Variants in N4BP2L2 observed in about 807,000 individuals in gnomAD.
N4BP2L2 encodes the protein NEDD4 binding protein 2 like 2, also known as NEDD4-binding protein 2-like 2.
Under a neutral mutation model 56.2 loss-of-function variants are expected in N4BP2L2, and 50 were observed. The observed-to-expected ratio is 0.89, with a 90% CI of 0.71 to 1.13. The LOEUF (loss-of-function observed/expected upper bound fraction) is 1.13, where lower values mean the gene tolerates loss of function less well. Ranked by LOEUF, N4BP2L2 falls within the 50% of genes most tolerant of loss-of-function variation. The pLI, the probability that N4BP2L2 is intolerant of heterozygous loss-of-function variation, is 0.00. For missense variants in N4BP2L2, 689 were observed against 693.8 expected, an observed-to-expected ratio of 0.99 and a Z score of 0.08; for synonymous variants, 203 against 223.6, an observed-to-expected ratio of 0.91 and a Z score of 0.82.
At chr13:32,538,807 G>A (rs532392347), upstream of N4BP2L2, 4 of 985,420 alleles carry the variant, frequency 4.1e-6, no homozygotes, top group Non-Finnish European at 4.8e-6. Flanking sequence ...GTCACCTCTC[G>A]GTTACCCAGG....
chr13:32,510,270 G>A (rs963896901), downstream of N4BP2L2: 10 of 151,694 alleles, frequency 6.6e-5, no homozygotes, highest in Admixed American at 5.9e-4. Flanking sequence ...ATTAATTAGG[G>A]TTAAAAAAAT....
At chr13:32,494,741 G>A (rs1366043616) in intron 6 of N4BP2L2, among the ~76,000 whole-genome samples, 1 of 152,140 alleles carries the variant, frequency 6.6e-6, no homozygotes, top group Non-Finnish European at 1.5e-5. Flanking sequence ...ACTCCAGCCT[G>A]GGTGACAGAG....
chr13:32,492,272 A>ATTTT (rs1185615708), intron 6 of N4BP2L2, among the ~76,000 whole-genome samples: 50 of 77,088 alleles, frequency 6.5e-4, no homozygotes, highest in African/African-American at 2.6e-3. Flanking sequence ...AAAACACCAA[A>ATTTT]ATTTTTTTTT....
rs565952036 is a variant in N4BP2L2, at chr13:32,436,361, A to G, written c.*21T>C. On this transcript the variant is annotated splice_region_variant and 3_prime_UTR_variant, in exon 9 of 10. Transcript: ENST00000357505. ...GGTCTCTAGAATAAGTCATACTTAC[A>G]GTTCAAGGAATTTTCATTTTTCAAC... is the stretch of plus-strand genomic sequence containing the variant. 331 of 1,221,410 alleles carry G rather than the reference A, an allele frequency of 2.7e-4. 4 individuals are homozygous for G. In the South Asian group the frequency reaches 4.3e-3, roughly 16 times the overall value. 75.7% of individuals were successfully genotyped at this position (1,221,410 alleles called of 1,614,324 possible). A position where few individuals can be genotyped will look rare whatever the true frequency, so the allele number is the denominator to read the frequency against.
At chr13:32,532,590 CTTTTTT>C (rs759146834) in intron 2 of N4BP2L2, among the ~76,000 whole-genome samples, 3 of 128,396 alleles carry the variant, frequency 2.3e-5, no homozygotes, top group African/African-American at 8.7e-5. Flanking sequence ...TTTCTTTTTT[CTTTTTT>C]TTTTTTTTTT....
At chr13:32,509,892 A>C (rs528584285), downstream of N4BP2L2, among the ~76,000 whole-genome samples, 14 of 152,344 alleles carry the variant, frequency 9.2e-5, no homozygotes, top group East Asian at 2.5e-3. Context: ...TAAGGAATTA[A>C]GAGAAACCAA....
intron 6 of N4BP2L2, among the ~76,000 whole-genome samples, chr13:32,471,089 G>A (rs551080393): frequency 6.6e-6 from 1 of 152,204 alleles, no homozygotes; most frequent in Admixed American, 6.5e-5. Flanking sequence ...ACAGTAATCT[G>A]TACTAATAGC....
chr13:32,470,451 T>C (rs1440425712), intron 6 of N4BP2L2, among the ~76,000 whole-genome samples: 1 of 152,222 alleles, frequency 6.6e-6, no homozygotes, highest in East Asian at 1.9e-4. Flanking sequence ...CTATGGGTAG[T>C]TGACCAGGGG....
chr13:32,455,014 T>C (rs1406591819), intron 6 of N4BP2L2, among the ~76,000 whole-genome samples: 3 of 152,160 alleles, frequency 2.0e-5, no homozygotes, highest in Admixed American at 6.5e-5. Context: ...CTGAGACTAC[T>C]GCAGGGAGCT....
At chr13:32,482,448 GC>G (rs2084949736) in intron 6 of N4BP2L2, among the ~76,000 whole-genome samples, 1 of 152,066 alleles carries the variant, frequency 6.6e-6, no homozygotes, top group Non-Finnish European at 1.5e-5. Context: ...CTCAATCTCT[GC>G]CTCCTGGGTT....
intron 6 of N4BP2L2, chr13:32,446,624 C>A: frequency 1.1e-6 from 1 of 946,494 alleles, no homozygotes; most frequent in Non-Finnish European, 1.4e-6. Context: ...TGTATAGTCA[C>A]TGTCCCTCAG....
chr13:32,526,471 A>G (rs2052825710), intron 3 of N4BP2L2, among the ~76,000 whole-genome samples: 1 of 152,192 alleles, frequency 6.6e-6, no homozygotes. Flanking sequence ...TGATGTCTAG[A>G]ATTTGCTTTA....
intron 6 of N4BP2L2, among the ~76,000 whole-genome samples, chr13:32,503,529 T>C (rs943582636): frequency 6.6e-6 from 1 of 152,180 alleles, no homozygotes; most frequent in Non-Finnish European, 1.5e-5. Context: ...GCTTACTTTA[T>C]TTACTTTTAT....
chr13:32,517,741 G>A, exon 6 of N4BP2L2: 1 of 1,583,300 alleles, frequency 6.3e-7, no homozygotes, highest in Admixed American at 1.8e-5. Flanking sequence ...TAAACTCCAA[G>A]ACAGGCTCAC....
intron 6 of N4BP2L2, among the ~76,000 whole-genome samples, chr13:32,493,672 T>C (rs1404149808): frequency 6.6e-6 from 1 of 152,162 alleles, no homozygotes; most frequent in Non-Finnish European, 1.5e-5. Context: ...AAACAGTGTA[T>C]TTTCAATCAT....
intron 7 of N4BP2L2, among the ~76,000 whole-genome samples, chr13:32,439,218 T>C (rs1295755286): frequency 6.6e-6 from 1 of 152,240 alleles, no homozygotes; most frequent in Non-Finnish European, 1.5e-5. Flanking sequence ...ACTATTAATG[T>C]CACTCATAAA....
intron 6 of N4BP2L2, chr13:32,504,965 A>G (rs1259701476): frequency 6.6e-6 from 1 of 152,216 alleles, no homozygotes. Context: ...AAGGCTCAAG[A>G]ATAATCTTCT....
chr13:32,439,619 T>C (rs951368832), intron 7 of N4BP2L2, among the ~76,000 whole-genome samples: 1 of 152,154 alleles, frequency 6.6e-6, no homozygotes, highest in African/African-American at 2.4e-5. Flanking sequence ...ATCTCAGAAC[T>C]AAAATGTCTT....
chr13:32,437,089 G>T (rs1372345967), intron 8 of N4BP2L2, among the ~76,000 whole-genome samples: 2 of 151,884 alleles, frequency 1.3e-5, no homozygotes, highest in African/African-American at 4.8e-5. Flanking sequence ...CACTATGTTG[G>T]CCAGGCTGGT....
Sources: gnomAD v4.1 joint callset for allele counts (sites outside exome capture counted in the v4.1 genomes callset) on GRCh38, gnomAD v4.1.1 for gene constraint, MANE v1.5 for transcripts, NCBI Gene and HGNC (gene_info 2026-07-23, HGNC 2026-07-21) for gene names.